CEP112: variants seen among roughly 807,000 people sequenced by gnomAD.
CEP112 encodes the protein centrosomal protein of 112 kDa.
A neutral mutation model predicts 153.0 loss-of-function variants in CEP112; 127 were observed. The observed-to-expected ratio is 0.83, with a 90% CI of 0.72 to 0.96. The LOEUF (loss-of-function observed/expected upper bound fraction) is 0.96, where lower values mean the gene tolerates loss of function less well. CEP112 is among the 40% of genes least tolerant of loss of function. The probability of loss-of-function intolerance (pLI) is 0.00; values close to 1 mark genes in which losing one functional copy is unlikely to be tolerated. For missense variants in CEP112, 1,089 were observed against 1,101.2 expected, an observed-to-expected ratio of 0.99 and a Z score of 0.16; for synonymous variants, 358 against 374.4, an observed-to-expected ratio of 0.96 and a Z score of 0.51.
At chr17:65,693,908 A>AAGATGGGTG (rs955525785) in intron 23 of CEP112, among the ~76,000 whole-genome samples, 8 of 152,136 alleles carry the variant, frequency 5.3e-5, no homozygotes, top group Non-Finnish European at 7.3e-5. Flanking sequence ...ACACAGTACA[A>AAGATGGGTG]AGATGGGTGT....
chr17:65,639,600 G>T (rs986303460), intron 25 of CEP112, among the ~76,000 whole-genome samples: 4 of 150,372 alleles, frequency 2.7e-5, no homozygotes, highest in African/African-American at 9.8e-5. Flanking sequence ...CAGGAGAATC[G>T]CTTGAACCTG....
intron 12 of CEP112, among the ~76,000 whole-genome samples, chr17:66,032,203 G>C (rs2065516846): frequency 6.6e-6 from 1 of 152,076 alleles, no homozygotes; most frequent in African/African-American, 2.4e-5. Flanking sequence ...GTTTCACCCT[G>C]TTGGCCAGGC....
At chr17:66,000,354 T>TA (rs2063981346) in intron 17 of CEP112, among the ~76,000 whole-genome samples, 1 of 151,628 alleles carries the variant, frequency 6.6e-6, no homozygotes, top group African/African-American at 2.4e-5. Flanking sequence ...CTTTTTTTTT[T>TA]AAACTGTTAA....
At chr17:65,678,190 C>A (rs996242416) in intron 24 of CEP112, among the ~76,000 whole-genome samples, 4 of 151,536 alleles carry the variant, frequency 2.6e-5, no homozygotes, top group African/African-American at 7.3e-5. Context: ...TCTCTTTCTA[C>A]CTGTTCACTG....
At chr17:66,050,250 C>T (rs942224764) in intron 12 of CEP112, among the ~76,000 whole-genome samples, 6 of 152,104 alleles carry the variant, frequency 3.9e-5, no homozygotes, top group African/African-American at 1.2e-4. Flanking sequence ...AAAGGTATTT[C>T]GCATTTTTTC....
chr17:65,643,149 A>G (rs553679039), intron 24 of CEP112, among the ~76,000 whole-genome samples: 23 of 152,158 alleles, frequency 1.5e-4, no homozygotes, highest in African/African-American at 4.8e-4. Flanking sequence ...AGGAGTCCCA[A>G]GAGGGGCTTA....
At chr17:65,704,663 T>C (rs1185813426) in intron 23 of CEP112, among the ~76,000 whole-genome samples, 2 of 152,216 alleles carry the variant, frequency 1.3e-5, no homozygotes, top group East Asian at 1.9e-4. Flanking sequence ...GGCTCCTTCT[T>C]AGCTGATGAA....
chr17:66,027,529 C>A lies in CEP112; in HGVS notation c.1628G>T (p.Ser543Ile). ...TTTTTCATAGATGTGTTTTAAATGA[C>A]TTTTCTCCATCTGAAACTTATTTTC... Reference protein sequence around the residue: ...DQENKFQMEKSHLKHIYEKKA... With the variant: ...DQENKFQMEKIHLKHIYEKKA... The change falls in exon 16 of 27, where the codon AGT becomes ATT. Residue 543 changes from serine to isoleucine, a missense_variant. Transcript: ENST00000535342. 7.6e-7 allele frequency: 1 copy of A among 1,314,624 alleles called. No individual in the cohort carries two copies. The allele number at this position is 1,314,624 out of a possible 1,614,324, so 81.4% of individuals were successfully genotyped here. A position where few individuals can be genotyped will look rare whatever the true frequency, so the allele number is the denominator to read the frequency against.
At chr17:66,138,158 C>G (rs1179491738) in intron 4 of CEP112, among the ~76,000 whole-genome samples, 1 of 152,110 alleles carries the variant, frequency 6.6e-6, no homozygotes, top group Non-Finnish European at 1.5e-5. Flanking sequence ...AATCCATCTC[C>G]TCGCCCAACT....
chr17:65,913,473 T>G, intron 19 of CEP112: 1 of 983,998 alleles, frequency 1.0e-6, no homozygotes, highest in South Asian at 4.7e-5. Context: ...TTAATAGAAA[T>G]AGGCACAAAA....
intron 18 of CEP112, among the ~76,000 whole-genome samples, chr17:65,953,618 G>A (rs1231104131): frequency 6.6e-6 from 1 of 152,174 alleles, no homozygotes; most frequent in Non-Finnish European, 1.5e-5. Context: ...GAAGGACACA[G>A]TGGGAGTCAG....
chr17:65,907,296 T>C (rs774449233), intron 19 of CEP112, among the ~76,000 whole-genome samples: 14 of 152,196 alleles, frequency 9.2e-5, no homozygotes, highest in Non-Finnish European at 1.9e-4. Context: ...TTTCACTTTA[T>C]TCATTTTTAA....
intron 1 of CEP112, among the ~76,000 whole-genome samples, chr17:66,188,094 T>C (rs2073005552): frequency 6.6e-6 from 1 of 152,110 alleles, no homozygotes. Flanking sequence ...TCTGTCTCCC[T>C]ACTGTCAGTT....
intron 21 of CEP112, among the ~76,000 whole-genome samples, chr17:65,829,213 T>A (rs979304394): frequency 2.6e-5 from 4 of 152,254 alleles, no homozygotes; most frequent in African/African-American, 9.6e-5. Flanking sequence ...AGTGGTCATG[T>A]ACTTTCTATT....
intron 6 of CEP112, among the ~76,000 whole-genome samples, chr17:66,103,572 A>G (rs757760922): frequency 7.9e-5 from 12 of 152,356 alleles, no homozygotes; most frequent in Middle Eastern, 6.8e-3. Context: ...GAGGCAGAGC[A>G]AAATGTTCAA....
At chr17:65,969,574 C>A (rs1244353089) in intron 17 of CEP112, among the ~76,000 whole-genome samples, 2 of 151,730 alleles carry the variant, frequency 1.3e-5, no homozygotes, top group Non-Finnish European at 2.9e-5. Context: ...ATATTACACA[C>A]AAGTATACAC....
intron 12 of CEP112, among the ~76,000 whole-genome samples, chr17:66,038,360 G>C (rs4451982): frequency 6.6e-6 from 1 of 151,910 alleles, no homozygotes; most frequent in Admixed American, 6.6e-5. Context: ...TTTTATTTTT[G>C]ATTTTTAAAG....
At position 65,919,131 on chromosome 17, in the gene CEP112, C is replaced by T. The variant is rs2060607636; in HGVS notation, c.1980+8451G>A. On this transcript the variant is annotated intron_variant, in intron 19 of 26. Transcript: ENST00000535342. ...ATCTGAGGGCATAGCCTGAAGCAGC[C>T]TCTGCAAGCTGGAAGTTTCTTTGAA... 3.9e-5 allele frequency among the ~76,000 whole-genome samples: 6 copies of T among 152,352 alleles called. No homozygotes were observed. In the South Asian group the frequency reaches 1.2e-3, roughly 32 times the overall value.
At chr17:66,159,716 C>T (rs953437827) in intron 4 of CEP112, among the ~76,000 whole-genome samples, 1 of 152,058 alleles carries the variant, frequency 6.6e-6, no homozygotes, top group African/African-American at 2.4e-5. Flanking sequence ...ATAGTAAGAG[C>T]TATTTATGAT....
Sources: allele counts gnomAD v4.1 joint callset (sites outside exome capture counted in the v4.1 genomes callset), GRCh38; gene constraint gnomAD v4.1.1; transcripts MANE v1.5; gene names NCBI Gene and HGNC (gene_info 2026-07-23, HGNC 2026-07-21).